The following HS2ST1 variants were observed in gnomAD, a reference collection of about 807,000 sequenced individuals.
HS2ST1 encodes heparan sulfate 2-O-sulfotransferase 1.
In HS2ST1, 18 loss-of-function variants were observed where a neutral mutation model predicts 42.9. That is an observed-to-expected ratio of 0.42 (90% CI 0.29 to 0.62). The LOEUF (loss-of-function observed/expected upper bound fraction) is 0.62, where lower values mean the gene tolerates loss of function less well. Among genes scored for constraint, HS2ST1 ranks in the 20% least tolerant of loss-of-function variants. The probability of loss-of-function intolerance (pLI) is 0.21; values close to 1 mark genes in which losing one functional copy is unlikely to be tolerated. For synonymous variants in HS2ST1, 146 were observed against 152.9 expected, an observed-to-expected ratio of 0.95 and a Z score of 0.33; for missense variants, 334 against 433.8, an observed-to-expected ratio of 0.77 and a Z score of 2.04.
At chr1:87,006,741 T>G (rs887051522) in intron 1 of HS2ST1, among the ~76,000 whole-genome samples, 2 of 152,094 alleles carry the variant, frequency 1.3e-5, no homozygotes, top group African/African-American at 4.8e-5. Context: ...TCATTTCTTC[T>G]CATAATATAA....
chr1:86,920,508 C>CTTA (rs80267023), intron 1 of HS2ST1, among the ~76,000 whole-genome samples: 45,721 of 151,784 alleles, frequency 0.3, 9,127 homozygotes, highest in African/African-American at 0.57. Flanking sequence ...TGGTGCCTCA[C>CTTA]TTAGTCTTGA....
intron 1 of HS2ST1, among the ~76,000 whole-genome samples, chr1:86,967,601 C>T (rs1648085884): frequency 6.6e-6 from 1 of 152,172 alleles, no homozygotes; most frequent in Non-Finnish European, 1.5e-5. Context: ...CTTCCAGTTC[C>T]ATCCAAGTTG....
chr1:86,947,783 G>A (rs1647384191), intron 1 of HS2ST1, among the ~76,000 whole-genome samples: 1 of 152,062 alleles, frequency 6.6e-6, no homozygotes, highest in African/African-American at 2.4e-5. Context: ...AATGTGTGCC[G>A]TTTGAGGGAA....
chr1:87,086,162 C>T (rs1003944983), intron 3 of HS2ST1, among the ~76,000 whole-genome samples: 2 of 152,088 alleles, frequency 1.3e-5, no homozygotes, highest in Non-Finnish European at 2.9e-5. Flanking sequence ...AAAGAAACAT[C>T]GCCTTACCAA....
At chr1:87,066,442 T>C (rs1290637301) in intron 1 of HS2ST1, among the ~76,000 whole-genome samples, 1 of 152,222 alleles carries the variant, frequency 6.6e-6, no homozygotes, top group Admixed American at 6.5e-5. Flanking sequence ...ATAGCTTGCA[T>C]AGCAGATTTT....
chr1:87,053,215 G>A (rs2100615824), intron 1 of HS2ST1, among the ~76,000 whole-genome samples: 1 of 152,308 alleles, frequency 6.6e-6, no homozygotes, highest in African/African-American at 2.4e-5. Context: ...AGCACCAGGT[G>A]CAGTTGTTGA....
chr1:86,918,320 G>A (rs1557478959), intron 1 of HS2ST1, among the ~76,000 whole-genome samples: 1 of 151,914 alleles, frequency 6.6e-6, no homozygotes, highest in Non-Finnish European at 1.5e-5. Context: ...TGCCTTGAAT[G>A]TTATACACAT....
intron 1 of HS2ST1, among the ~76,000 whole-genome samples, chr1:86,954,303 C>T (rs185473651): frequency 6.6e-6 from 1 of 151,806 alleles, no homozygotes; most frequent in Admixed American, 6.6e-5. Flanking sequence ...GAGCCAAGAT[C>T]GTGCCATTGC....
At position 87,097,951 on chromosome 1, in the gene HS2ST1, T is replaced by C. The variant is rs1652107189; in HGVS notation, c.686+16T>C. ...CCGAATGCTGGTAGGGGAGATAAAG[T>C]TGGCTCAGATTGATTATCATCCTTA... On this transcript the variant is annotated intron_variant, in intron 5 of 6. Coordinates refer to ENST00000370550, the MANE Select transcript of HS2ST1 (RefSeq NM_012262.4). The C allele has an allele frequency of 6.2e-7, 1 of 1,613,718 alleles. No individual in the cohort carries two copies. The highest frequency in any genetic ancestry group is 1.3e-5 in the African/African-American group (1 of 75,034).
intron 2 of HS2ST1, among the ~76,000 whole-genome samples, chr1:87,082,081 C>T (rs951953606): frequency 1.3e-5 from 2 of 151,802 alleles, no homozygotes; most frequent in African/African-American, 4.8e-5. Context: ...CAACTAATAC[C>T]ACAGAAATTC....
In HS2ST1 at chr1:86,944,219, T is replaced by C. The variant is rs1647265057; in HGVS notation, c.124+29059T>C. On this transcript the variant is annotated intron_variant, in intron 1 of 6. Transcript: ENST00000370550. ...GAATTAATAGGAAGCATAAACAGTTTTGAAGACAGGGAACTTCTGAGGGTA... is the reference window on the plus strand; with the variant it reads ...GAATTAATAGGAAGCATAAACAGTTCTGAAGACAGGGAACTTCTGAGGGTA... Among the ~76,000 whole-genome samples, 4 of 152,320 alleles carry C rather than the reference T, an allele frequency of 2.6e-5. No homozygotes were observed. The South Asian group carries it at 8.3e-4, about 32-fold the overall frequency.
intron 4 of HS2ST1, among the ~76,000 whole-genome samples, chr1:87,095,752 G>A (rs1272505592): frequency 6.6e-6 from 1 of 151,460 alleles, no homozygotes; most frequent in Non-Finnish European, 1.5e-5. Flanking sequence ...TTTGTTTTGG[G>A]TTATATCTAT....
chr1:87,050,405 C>A (rs889008336), intron 1 of HS2ST1, among the ~76,000 whole-genome samples: 1 of 151,552 alleles, frequency 6.6e-6, no homozygotes, highest in Non-Finnish European at 1.5e-5. Flanking sequence ...TCTAGGTTAT[C>A]TTAGGCCACC....
Position 87,072,938 on chromosome 1 carries a change from G to A in HS2ST1, c.129G>A (p.Arg43=), listed in dbSNP as rs1349601081. The A allele has an allele frequency of 6.2e-7, 1 of 1,612,232 alleles. No individual in the cohort carries two copies. The change falls in exon 2 of 7, where the codon AGG becomes AGA. Residue 43 remains arginine (R), a synonymous_variant. Coordinates refer to ENST00000370550, the MANE Select transcript of HS2ST1 (RefSeq NM_012262.4). Reference sequence around the variant, plus strand: ...CGTATCTGTTTTTCTTTCCAGAAAGGGCTATTGCAAGACACGAAGTCCGAG... The same window carrying A: ...CGTATCTGTTTTTCTTTCCAGAAAGAGCTATTGCAAGACACGAAGTCCGAG... ...KLEESRSKLE[R]AIARHEVREI... is the part of the protein sequence containing the mutation.
At chr1:87,101,772 A>G (rs1652215198) in intron 5 of HS2ST1, among the ~76,000 whole-genome samples, 1 of 152,132 alleles carries the variant, frequency 6.6e-6, no homozygotes, top group African/African-American at 2.4e-5. Flanking sequence ...TCCCATTTTC[A>G]GGTATCTTTA....
At chr1:87,015,048 T>TTTTG (rs71082060) in intron 1 of HS2ST1, among the ~76,000 whole-genome samples, 23 of 150,918 alleles carry the variant, frequency 1.5e-4, no homozygotes, top group Admixed American at 5.3e-4. Context: ...TTTTTTAGTT[T>TTTTG]TTTGTTTGTT....
intron 2 of HS2ST1, among the ~76,000 whole-genome samples, chr1:87,076,691 A>G (rs1651552274): frequency 6.6e-6 from 1 of 151,996 alleles, no homozygotes; most frequent in Non-Finnish European, 1.5e-5. Flanking sequence ...TAATCAATCA[A>G]CTCTTCTAGT....
At chr1:87,061,920 T>TC (rs1491544160) in intron 1 of HS2ST1, among the ~76,000 whole-genome samples, 2 of 136,276 alleles carry the variant, frequency 1.5e-5, no homozygotes, top group African/African-American at 5.4e-5. Context: ...TTCTTTTCTC[T>TC]TTTTTTTTTT....
chr1:87,097,821 C>T lies in HS2ST1; in HGVS notation c.589-17C>T. On this transcript the variant is annotated splice_polypyrimidine_tract_variant and intron_variant, in intron 4 of 6. Coordinates refer to ENST00000370550, the MANE Select transcript of HS2ST1 (RefSeq NM_012262.4). The stretch of plus-strand genomic sequence containing the variant: ...TTGGATTTATGGCTTACCCGTGCTG[C>T]TTTGTCTTTGTTCTAGACCTTTGAT... 7 of 1,613,648 alleles carry T rather than the reference C, an allele frequency of 4.3e-6. No homozygotes were observed. Among genetic ancestry groups the T allele is most frequent in the Non-Finnish European group, 5.9e-6 (7 of 1,179,746 alleles).
Sources: gnomAD v4.1 joint callset for allele counts (sites outside exome capture counted in the v4.1 genomes callset) on GRCh38, gnomAD v4.1.1 for gene constraint, MANE v1.5 for transcripts, NCBI Gene and HGNC (gene_info 2026-07-23, HGNC 2026-07-21) for gene names.